The following SGCZ variants were observed in gnomAD, a reference collection of about 807,000 sequenced individuals.
The protein encoded by SGCZ is sarcoglycan zeta.
A neutral mutation model predicts 41.3 loss-of-function variants in SGCZ; 40 were observed. That is an observed-to-expected ratio of 0.97 (90% CI 0.75 to 1.26). The LOEUF is 1.26. SGCZ is among the 50% of genes most tolerant of loss of function. The probability of loss-of-function intolerance (pLI) is 0.00; values close to 1 mark genes in which losing one functional copy is unlikely to be tolerated. For synonymous variants in SGCZ, 206 were observed against 137.5 expected, an observed-to-expected ratio of 1.50 and a Z score of -3.49; for missense variants, 552 against 369.8, an observed-to-expected ratio of 1.49 and a Z score of -4.04.
At chr8:15,033,588 C>A (rs1038987346) in intron 1 of SGCZ, among the ~76,000 whole-genome samples, 12 of 152,086 alleles carry the variant, frequency 7.9e-5, no homozygotes, top group African/African-American at 2.7e-4. Context: ...CAGGACGAGT[C>A]CTATGGACTC....
chr8:14,102,102 ATAATTT>A (rs1802046613), intron 7 of SGCZ, among the ~76,000 whole-genome samples: 2 of 87,770 alleles, frequency 2.3e-5, no homozygotes, highest in Admixed American at 2.3e-4. Context: ...ATATATATAT[ATAATTT>A]TTTTTTTTTT....
intron 2 of SGCZ, among the ~76,000 whole-genome samples, chr8:14,497,342 G>A (rs1255051036): frequency 6.6e-6 from 1 of 152,032 alleles, no homozygotes; most frequent in East Asian, 1.9e-4. Flanking sequence ...GAGAAAGAAG[G>A]GAGAGGTCCA....
At chr8:14,592,080 A>G (rs1805259278) in intron 1 of SGCZ, among the ~76,000 whole-genome samples, 1 of 152,168 alleles carries the variant, frequency 6.6e-6, no homozygotes, top group South Asian at 2.1e-4. Flanking sequence ...CAAAGACTTG[A>G]AAAATGTCAA....
At chr8:14,568,258 A>G (rs1452657301) in intron 1 of SGCZ, among the ~76,000 whole-genome samples, 2 of 152,048 alleles carry the variant, frequency 1.3e-5, no homozygotes, top group Non-Finnish European at 2.9e-5. Flanking sequence ...GAGGAGGGAG[A>G]GCATCAGGAC....
chr8:14,735,086 T>C (rs1199848791), intron 1 of SGCZ, among the ~76,000 whole-genome samples: 1 of 152,182 alleles, frequency 6.6e-6, no homozygotes, highest in Non-Finnish European at 1.5e-5. Context: ...ATCAATTTCA[T>C]GAATCCCCAA....
chr8:14,093,515 C>G (rs1801751249), intron 7 of SGCZ, among the ~76,000 whole-genome samples: 1 of 152,042 alleles, frequency 6.6e-6, no homozygotes, highest in Admixed American at 6.6e-5. Context: ...ATAGCAAAAG[C>G]ACTATGGCCT....
At chr8:14,361,322 A>G (rs111858340) in intron 2 of SGCZ, among the ~76,000 whole-genome samples, 3 of 152,292 alleles carry the variant, frequency 2.0e-5, no homozygotes, top group African/African-American at 7.2e-5. Flanking sequence ...AGGTACAGCA[A>G]TCAAACGTAG....
intron 7 of SGCZ, among the ~76,000 whole-genome samples, chr8:14,094,733 C>T (rs1801790679): frequency 1.3e-5 from 2 of 152,134 alleles, no homozygotes; most frequent in Non-Finnish European, 2.9e-5. Context: ...AATGGTTGAA[C>T]TAATTTACAC....
chr8:15,073,366 T>TG (rs1805421809), intron 1 of SGCZ, among the ~76,000 whole-genome samples: 2 of 152,028 alleles, frequency 1.3e-5, no homozygotes, highest in South Asian at 4.2e-4. Context: ...AGAGAGAGGA[T>TG]GGGGGAGAGA....
At chr8:14,479,543 G>T (rs531965321) in intron 2 of SGCZ, among the ~76,000 whole-genome samples, 32 of 152,150 alleles carry the variant, frequency 2.1e-4, no homozygotes, top group Middle Eastern at 3.4e-3. Flanking sequence ...TTGACACGCA[G>T]TATTAACCAT....
At chr8:14,877,618 T>C (rs1454233740) in intron 1 of SGCZ, among the ~76,000 whole-genome samples, 3 of 152,108 alleles carry the variant, frequency 2.0e-5, no homozygotes, top group South Asian at 4.1e-4. Flanking sequence ...GCATAAAAAA[T>C]AATATTTTTC....
chr8:14,203,331 A>T (rs1385173964), intron 4 of SGCZ, among the ~76,000 whole-genome samples: 1 of 152,146 alleles, frequency 6.6e-6, no homozygotes, highest in Non-Finnish European at 1.5e-5. Context: ...ATCTTTTCTT[A>T]TCTACGTTCA....
chr8:14,259,182 G>A (rs7835815), intron 3 of SGCZ, among the ~76,000 whole-genome samples: 151,625 of 152,324 alleles, frequency 1, 75,468 homozygotes, highest in East Asian at 1. Context: ...TTCCATTTAT[G>A]CCATAGATAA....
At chr8:15,078,966 A>G (rs1805644699) in intron 1 of SGCZ, among the ~76,000 whole-genome samples, 1 of 152,022 alleles carries the variant, frequency 6.6e-6, no homozygotes, top group South Asian at 2.1e-4. Context: ...GTTTATATTA[A>G]GTATCCTAAT....
At chr8:14,960,604 G>C (rs1285684989) in intron 1 of SGCZ, among the ~76,000 whole-genome samples, 1 of 152,086 alleles carries the variant, frequency 6.6e-6, no homozygotes, top group Non-Finnish European at 1.5e-5. Flanking sequence ...TGAGCTATGG[G>C]TGGTGCAACA....
intron 1 of SGCZ, among the ~76,000 whole-genome samples, chr8:14,873,225 C>T (rs1804230446): frequency 6.6e-6 from 1 of 152,042 alleles, no homozygotes; most frequent in African/African-American, 2.4e-5. Context: ...AGATAAATCA[C>T]CTGAAATCCT....
intron 1 of SGCZ, among the ~76,000 whole-genome samples, chr8:14,571,969 G>C (rs187710583): frequency 4.6e-5 from 7 of 152,194 alleles, no homozygotes; most frequent in African/African-American, 1.7e-4. Context: ...AATAGGAAAA[G>C]AAATAATAAC....
Position 14,704,296 on chromosome 8 carries a change from G to A in SGCZ, c.40-149370C>T, listed in dbSNP as rs1809259555. Among the ~76,000 whole-genome samples, 2 of 151,810 alleles carry A rather than the reference G, an allele frequency of 1.3e-5. 1 individual carries two copies. Among genetic ancestry groups the A allele is most frequent in the South Asian group, 4.1e-4 (2 of 4,826 alleles). ...TCTTTAATTCAGTTTCTTTAACATA[G>A]CTATTTTTTATCCCCATCTGGAAAA... On this transcript the variant is annotated intron_variant, in intron 1 of 7. Transcript: ENST00000382080.
At chr8:15,074,409 C>T (rs2131033100) in intron 1 of SGCZ, among the ~76,000 whole-genome samples, 1 of 152,250 alleles carries the variant, frequency 6.6e-6, no homozygotes, top group East Asian at 1.9e-4. Flanking sequence ...TTAAAACAGA[C>T]TTTTACAATG....
Sources: allele counts gnomAD v4.1 joint callset (sites outside exome capture counted in the v4.1 genomes callset), GRCh38; gene constraint gnomAD v4.1.1; transcripts MANE v1.5; gene names NCBI Gene and HGNC (gene_info 2026-07-23, HGNC 2026-07-21).